The following ABCA1 variants were observed in gnomAD, a reference collection of about 807,000 sequenced individuals.
ABCA1 encodes ATP binding cassette subfamily A member 1.
In ABCA1, 133 loss-of-function variants were observed where a neutral mutation model predicts 262.5. That is an observed-to-expected ratio of 0.51 (90% CI 0.44 to 0.59). The LOEUF (loss-of-function observed/expected upper bound fraction) is 0.59. Ranked by LOEUF, ABCA1 falls within the 20% of genes least tolerant of loss-of-function variation. ABCA1 has a pLI of 0.00. For synonymous variants in ABCA1, 1,022 were observed against 1,043.5 expected (o/e 0.98, Z 0.40); for missense variants, 2,452 against 2,777.5 (o/e 0.88, Z 2.63).
chr9:104,865,515 CA>C (rs925876847), intron 5 of ABCA1, among the ~76,000 whole-genome samples: 2,857 of 66,928 alleles, frequency 0.043, 26 homozygotes, highest in South Asian at 0.061. Context: ...GACTCTGTCT[CA>C]AAAAAAAAAA....
intron 49 of ABCA1, among the ~76,000 whole-genome samples, chr9:104,785,006 C>T (rs926780176): frequency 6.6e-6 from 1 of 152,122 alleles, no homozygotes; most frequent in African/African-American, 2.4e-5. Flanking sequence ...CATCCATTTA[C>T]TTTGGCACAT....
intron 8 of ABCA1, 138 bp from the exon 9 acceptor site, chr9:104,840,657 G>A: frequency 1.1e-6 from 1 of 943,100 alleles, no homozygotes; most frequent in Non-Finnish European, 1.6e-6. Flanking sequence ...TATTTTGTCT[G>A]ATGTCATCTC....
chr9:104,805,224 G>A (rs1830662533), intron 31 of ABCA1, among the ~76,000 whole-genome samples: 4 of 152,224 alleles, frequency 2.6e-5, no homozygotes, highest in South Asian at 2.1e-4. Context: ...ACAGGCATGT[G>A]CCACCATGCC....
intron 1 of ABCA1, among the ~76,000 whole-genome samples, chr9:104,926,484 C>CAAAAAAAACAAAAAAAAAAAAAA (rs1161198400): frequency 7.4e-6 from 1 of 134,480 alleles, no homozygotes; most frequent in Non-Finnish European, 1.6e-5. Context: ...AAAAAAAAAA[C>CAAAAAAAACAAAAAAAAAAAAAA]AAAACGGGCT....
Position 104,817,466 on chromosome 9 carries a change from C to T in ABCA1, c.3463-62G>A, listed in dbSNP as rs1831874470. ...CGGAGCAAGGCAGAGCCACCAGCAC[C>T]TTCGCCGGGGAGGGCTTCCAAGAAG... On this transcript the variant is annotated intron_variant, in intron 23 of 49. Coordinates refer to ENST00000374736, the MANE Select transcript of ABCA1 (RefSeq NM_005502.4). The surrounding 1 kb of genome is among the most constrained non-coding windows in gnomAD (Gnocchi z 4.7). The T allele has an allele frequency of 6.4e-7, 1 of 1,572,816 alleles. No homozygotes were observed. The highest frequency in any genetic ancestry group is 8.7e-7 in the Non-Finnish European group (1 of 1,143,746).
chr9:104,882,509 T>C (rs1424570701), intron 5 of ABCA1, among the ~76,000 whole-genome samples: 1 of 152,218 alleles, frequency 6.6e-6, no homozygotes, highest in African/African-American at 2.4e-5. Context: ...ATTGCCTGGA[T>C]ACTTACCAGA....
In ABCA1 at chr9:104,781,872, T is replaced by C. The variant is rs1489869914; in HGVS notation, c.*2443A>G. ...TGAGTATAGAGTTGGTAAAAATTTC[T>C]ACCACAATTAGGTTTACACAGGAAA... On this transcript the variant is annotated 3_prime_UTR_variant, in exon 50 of 50. Coordinates refer to ENST00000374736, the MANE Select transcript of ABCA1 (RefSeq NM_005502.4). 6.6e-6 allele frequency: 1 copy of C among 152,432 alleles called. No homozygotes were observed. Among genetic ancestry groups the C allele is most frequent in the African/African-American group, 2.4e-5 (1 of 41,458 alleles). 9.4% of individuals were successfully genotyped at this position (152,432 alleles called of 1,614,324 possible).
At chr9:104,896,323 G>C (rs542922289) in intron 2 of ABCA1, among the ~76,000 whole-genome samples, 1 of 152,172 alleles carries the variant, frequency 6.6e-6, no homozygotes, top group Non-Finnish European at 1.5e-5. Flanking sequence ...AGCCAAACAT[G>C]TGCTTCTTAC....
intron 28 of ABCA1, among the ~76,000 whole-genome samples, chr9:104,811,378 TC>T (rs1451808743): frequency 6.6e-6 from 1 of 152,250 alleles, no homozygotes; most frequent in African/African-American, 2.4e-5. Flanking sequence ...CTCAGTTTTC[TC>T]ATTTTAATCT....
chr9:104,907,602 A>C (rs2118459474), intron 1 of ABCA1, among the ~76,000 whole-genome samples: 1 of 152,322 alleles, frequency 6.6e-6, no homozygotes, highest in South Asian at 2.1e-4. Flanking sequence ...GATTTGGGCA[A>C]ATTATCCCCA....
intron 40 of ABCA1, 77 bp from the exon 41 acceptor site, chr9:104,793,377 G>A (rs1444070724): frequency 3.1e-6 from 5 of 1,598,844 alleles, no homozygotes; most frequent in Admixed American, 1.7e-5. Context: ...TTGGGCCTAT[G>A]TTCCTTAAAA....
At chr9:104,876,813 A>G (rs1053329070) in intron 5 of ABCA1, among the ~76,000 whole-genome samples, 1 of 152,148 alleles carries the variant, frequency 6.6e-6, no homozygotes, top group Non-Finnish European at 1.5e-5. Flanking sequence ...GGGAGTGAGG[A>G]TGACTCCAGG....
intron 33 of ABCA1, among the ~76,000 whole-genome samples, chr9:104,802,677 C>G (rs1830440916): frequency 6.6e-6 from 1 of 152,200 alleles, no homozygotes; most frequent in Non-Finnish European, 1.5e-5. Context: ...TAACAAGGAG[C>G]CTTCGGGCCC....
intron 3 of ABCA1, among the ~76,000 whole-genome samples, chr9:104,887,497 C>G (rs1452977602): frequency 6.6e-6 from 1 of 152,172 alleles, no homozygotes; most frequent in Admixed American, 6.6e-5. Context: ...GCTATTTCCA[C>G]TACACCATCT....
At chr9:104,891,966 T>TAAAAAA (rs570923490) in intron 2 of ABCA1, among the ~76,000 whole-genome samples, 1 of 59,214 alleles carries the variant, frequency 1.7e-5, no homozygotes, top group East Asian at 5.9e-4. Flanking sequence ...CTCTGTCTCT[T>TAAAAAA]AAAAAAAAAA....
chr9:104,803,896 C>G (rs1252272823), intron 32 of ABCA1, among the ~76,000 whole-genome samples: 1 of 152,218 alleles, frequency 6.6e-6, no homozygotes, highest in South Asian at 2.1e-4. Context: ...CATGAGCCAC[C>G]GTGCCTGGCC....
chr9:104,802,826 T>G (rs1830454602), intron 33 of ABCA1, among the ~76,000 whole-genome samples: 1 of 152,240 alleles, frequency 6.6e-6, no homozygotes, highest in South Asian at 2.1e-4. Context: ...GAGATGGTTT[T>G]GGCGCTTCTT....
In ABCA1 at chr9:104,816,578, G is replaced by A. The variant is rs370818767; in HGVS notation, c.3536-233C>T. On this transcript the variant is annotated intron_variant, in intron 24 of 49. Transcript: ENST00000374736. ...GCCAGGCACATTATAGGTACTCAGTGTAGAATGGGTGGACAGCTGGATGGG... is the reference window on the plus strand; with the variant it reads ...GCCAGGCACATTATAGGTACTCAGTATAGAATGGGTGGACAGCTGGATGGG... 3.4e-5 allele frequency among the ~76,000 whole-genome samples: 5 copies of A among 147,306 alleles called. No homozygotes were observed. The East Asian group carries it at 6.2e-4, about 18-fold the overall frequency.
intron 1 of ABCA1, 70 bp downstream of exon 1, chr9:104,927,865 A>G (rs1480089998): frequency 6.6e-6 from 1 of 152,362 alleles, no homozygotes; most frequent in Non-Finnish European, 1.5e-5. Flanking sequence ...GAAACCGAGC[A>G]CTTCCCGAAG....
Sources: allele counts gnomAD v4.1 joint callset (sites outside exome capture counted in the v4.1 genomes callset), GRCh38; gene constraint gnomAD v4.1.1; non-coding constraint Gnocchi (gnomAD v3.1); transcripts MANE v1.5; gene names NCBI Gene and HGNC (gene_info 2026-07-23, HGNC 2026-07-21).